Variants in GRID2 observed in about 807,000 individuals in gnomAD.
GRID2 encodes glutamate receptor ionotropic, delta-2.
GRID2 carries 33 observed loss-of-function variants against 114.8 expected under a neutral mutation model. That is an observed-to-expected ratio of 0.29 (90% CI 0.22 to 0.38). The LOEUF is 0.38. Ranked by LOEUF, GRID2 falls within the 10% of genes least tolerant of loss-of-function variation. GRID2 has a pLI of 1.00. For missense variants in GRID2, 1,184 were observed against 1,257.7 expected (o/e 0.94, Z 0.89); for synonymous variants, 505 against 449.9 (o/e 1.12, Z -1.55).
At chr4:92,342,589 C>T (rs192586822) in intron 1 of GRID2, among the ~76,000 whole-genome samples, 32 of 152,248 alleles carry the variant, frequency 2.1e-4, no homozygotes, top group African/African-American at 5.1e-4. Context: ...GAAAGGTGTT[C>T]TTGGAAGGAA....
At chr4:92,454,697 G>A (rs893484663) in intron 1 of GRID2, among the ~76,000 whole-genome samples, 2 of 152,138 alleles carry the variant, frequency 1.3e-5, no homozygotes, top group Non-Finnish European at 2.9e-5. Flanking sequence ...TTAGCCGGGC[G>A]TGTTGGCAGG....
chr4:93,589,958 T>A (rs1266822048), intron 13 of GRID2, among the ~76,000 whole-genome samples: 2 of 151,036 alleles, frequency 1.3e-5, no homozygotes, highest in East Asian at 1.9e-4. Context: ...TATTAGCCCT[T>A]TGTCAGATGA....
At chr4:92,585,093 G>A (rs1728365434) in intron 1 of GRID2, among the ~76,000 whole-genome samples, 1 of 151,930 alleles carries the variant, frequency 6.6e-6, no homozygotes, top group African/African-American at 2.4e-5. Context: ...AAAGAGCACA[G>A]TGGCTTGGCT....
At chr4:92,879,859 C>A (rs1317724150) in intron 2 of GRID2, among the ~76,000 whole-genome samples, 3 of 152,200 alleles carry the variant, frequency 2.0e-5, no homozygotes, top group African/African-American at 7.2e-5. Flanking sequence ...AAGTATGCAA[C>A]TGTTCTTTGG....
chr4:92,403,552 C>T (rs9995946), intron 1 of GRID2, among the ~76,000 whole-genome samples: 3,275 of 151,722 alleles, frequency 0.022, 113 homozygotes, highest in African/African-American at 0.074. Flanking sequence ...ATTAGCTGGG[C>T]GTGGTGGTGC....
chr4:92,361,136 AC>A (rs1728600163), intron 1 of GRID2, among the ~76,000 whole-genome samples: 1 of 151,892 alleles, frequency 6.6e-6, no homozygotes, highest in African/African-American at 2.4e-5. Context: ...TACTATTATT[AC>A]CCTCAATCAC....
intron 1 of GRID2, among the ~76,000 whole-genome samples, chr4:92,338,049 C>CA (rs1727277941): frequency 6.6e-6 from 1 of 151,816 alleles, no homozygotes; most frequent in African/African-American, 2.4e-5. Context: ...GTATCTGGTA[C>CA]AAAAAAGAAC....
intron 2 of GRID2, among the ~76,000 whole-genome samples, chr4:92,803,481 C>CT (rs1256112730): frequency 1.1e-4 from 16 of 152,012 alleles, no homozygotes; most frequent in Middle Eastern, 3.4e-3. Flanking sequence ...CTTTTCCTAA[C>CT]TGTGGATACT....
At position 92,528,961 on chromosome 4, in the gene GRID2, T is replaced by C. The variant is rs188348712; in HGVS notation, c.89-61170T>C. ...TTCATATACAGCAGAGTAATCTCCT[T>C]AGAACATCTAAGTGAATCTTCAATT... On this transcript the variant is annotated intron_variant, in intron 1 of 15. Transcript: ENST00000282020. Among the ~76,000 whole-genome samples, 254 of 152,170 alleles carry C rather than the reference T, an allele frequency of 1.7e-3. 1 individual carries two copies. The highest frequency in any genetic ancestry group is 4.5e-3 in the African/African-American group (189 of 41,540).
intron 1 of GRID2, among the ~76,000 whole-genome samples, chr4:93,803,439 T>C (rs539555725): frequency 6.6e-6 from 1 of 152,282 alleles, no homozygotes; most frequent in Non-Finnish European, 1.5e-5. Flanking sequence ...CCACACCTTT[T>C]TTGGCCGGGT....
At chr4:93,272,188 G>A (rs1310591348) in intron 8 of GRID2, among the ~76,000 whole-genome samples, 1 of 152,118 alleles carries the variant, frequency 6.6e-6, no homozygotes, top group East Asian at 1.9e-4. Flanking sequence ...GGCATTGATA[G>A]GAATTCATTA....
At position 93,596,504 on chromosome 4, in the gene GRID2, G is replaced by T. The variant is rs537994836; in HGVS notation, c.2194-29765G>T. 4.3e-4 allele frequency among the ~76,000 whole-genome samples: 66 copies of T among 152,246 alleles called. No individual in the cohort carries two copies. The South Asian group carries it at 0.013, about 30-fold the overall frequency. ...GAGGCAGAAGAATGCGGTGAACTCG[G>T]GAGGCGGAGCATGCGGTGAGCCGAG... is the stretch of plus-strand genomic sequence containing the variant. On this transcript the variant is annotated intron_variant, in intron 13 of 15. Coordinates refer to ENST00000282020, the MANE Select transcript of GRID2 (RefSeq NM_001510.4).
chr4:92,688,638 T>G (rs1012529929), intron 2 of GRID2, among the ~76,000 whole-genome samples: 3 of 152,150 alleles, frequency 2.0e-5, no homozygotes, highest in African/African-American at 7.2e-5. Context: ...AGGGTTCACT[T>G]CTAATTTTAC....
intron 1 of GRID2, among the ~76,000 whole-genome samples, chr4:92,467,974 T>A (rs1320657256): frequency 6.6e-6 from 1 of 151,906 alleles, no homozygotes; most frequent in Non-Finnish European, 1.5e-5. Context: ...TACCTATGAC[T>A]ACATGAAAAC....
intron 13 of GRID2, among the ~76,000 whole-genome samples, chr4:93,572,942 T>C (rs1231774806): frequency 2.6e-5 from 4 of 152,096 alleles, no homozygotes; most frequent in Admixed American, 1.3e-4. Context: ...AAGGCAAAAT[T>C]TAACTGCGAA....
rs951629372 is a variant in GRID2, at chr4:92,359,569, G to A, written c.88+54825G>A. Among the ~76,000 whole-genome samples the A allele has an allele frequency of 3.9e-5, 6 of 151,966 alleles. 1 individual carries two copies. The highest frequency in any genetic ancestry group is 1.4e-4 in the African/African-American group (6 of 41,398). ...TTTGCATTTACTAAACATGTGTTAT[G>A]CTTACTCTTTCTCCCCTTCTTACAG... On this transcript the variant is annotated intron_variant, in intron 1 of 15. Transcript: ENST00000282020.
intron 3 of GRID2, among the ~76,000 whole-genome samples, chr4:93,096,985 T>G (rs12501595): frequency 0.015 from 2,264 of 152,112 alleles, 95 homozygotes; most frequent in East Asian, 0.099. Flanking sequence ...TAATGAACTA[T>G]TGAAATATGA....
At chr4:92,820,299 A>C (rs1330350298) in intron 2 of GRID2, among the ~76,000 whole-genome samples, 2 of 152,172 alleles carry the variant, frequency 1.3e-5, no homozygotes, top group Non-Finnish European at 2.9e-5. Flanking sequence ...ATATGTAGGC[A>C]AAAGGACCAG....
intron 13 of GRID2, among the ~76,000 whole-genome samples, chr4:93,550,717 T>A (rs1462487065): frequency 6.6e-6 from 1 of 152,216 alleles, no homozygotes; most frequent in African/African-American, 2.4e-5. Context: ...TTCCAATATG[T>A]TGAATAATCC....
Sources: allele counts gnomAD v4.1 joint callset (sites outside exome capture counted in the v4.1 genomes callset), GRCh38; gene constraint gnomAD v4.1.1; transcripts MANE v1.5; gene names NCBI Gene and HGNC (gene_info 2026-07-23, HGNC 2026-07-21).